Variants in PTPRD observed in about 807,000 individuals in gnomAD.
PTPRD encodes the protein protein tyrosine phosphatase receptor type D.
Under a neutral mutation model 214.5 loss-of-function variants are expected in PTPRD, and 34 were observed. The ratio of observed to expected loss-of-function variants is 0.16; its 90% CI spans 0.12 to 0.21. The LOEUF is 0.21. Ranked by LOEUF, PTPRD falls within the 10% of genes least tolerant of loss-of-function variation. The pLI, the probability that PTPRD is intolerant of heterozygous loss-of-function variation, is 1.00. For missense variants in PTPRD, 2,545 were observed against 2,398.7 expected, an observed-to-expected ratio of 1.06 and a Z score of -1.27; for synonymous variants, 1,128 against 845.7, an observed-to-expected ratio of 1.33 and a Z score of -5.79.
chr9:10,597,102 C>CAT (rs1040966535), intron 2 of PTPRD, among the ~76,000 whole-genome samples: 1 of 150,936 alleles, frequency 6.6e-6, no homozygotes, highest in Non-Finnish European at 1.5e-5. Context: ...ATATATTTCA[C>CAT]ATATATATAT....
intron 10 of PTPRD, among the ~76,000 whole-genome samples, chr9:9,116,455 G>A (rs185623914): frequency 2.0e-5 from 3 of 152,130 alleles, no homozygotes; most frequent in Admixed American, 2.0e-4. Context: ...ATGGACATGA[G>A]AGAGTCAGAA....
intron 10 of PTPRD, among the ~76,000 whole-genome samples, chr9:9,116,439 G>A (rs1398512520): frequency 6.6e-6 from 1 of 151,988 alleles, no homozygotes; most frequent in Non-Finnish European, 1.5e-5. Context: ...CATACAGGGT[G>A]GTATAATGGA....
At chr9:8,911,915 G>C (rs533326180) in intron 11 of PTPRD, among the ~76,000 whole-genome samples, 1 of 152,040 alleles carries the variant, frequency 6.6e-6, no homozygotes, top group African/African-American at 2.4e-5. Flanking sequence ...TTCTCGCTTC[G>C]TTAGTCATTA....
intron 44 of PTPRD, among the ~76,000 whole-genome samples, chr9:8,330,049 C>A (rs576235023): frequency 1.3e-5 from 2 of 152,106 alleles, no homozygotes; most frequent in Non-Finnish European, 2.9e-5. Context: ...GTGAAGACTG[C>A]GGGAGAAGTG....
At chr9:8,803,209 G>C (rs757347643) in intron 11 of PTPRD, among the ~76,000 whole-genome samples, 2 of 152,080 alleles carry the variant, frequency 1.3e-5, no homozygotes, top group Non-Finnish European at 2.9e-5. Flanking sequence ...TTATGAATGA[G>C]TACACACATC....
intron 9 of PTPRD, among the ~76,000 whole-genome samples, chr9:9,361,041 C>T (rs2055937519): frequency 6.6e-6 from 1 of 151,062 alleles, no homozygotes; most frequent in Admixed American, 6.6e-5. Context: ...TCCTGAGGTT[C>T]TCAATATATT....
chr9:9,262,304 A>G (rs2099980484), intron 9 of PTPRD, among the ~76,000 whole-genome samples: 1 of 151,152 alleles, frequency 6.6e-6, no homozygotes, highest in Non-Finnish European at 1.5e-5. Flanking sequence ...ATTTCTTTAA[A>G]ATATATTTTA....
intron 2 of PTPRD, among the ~76,000 whole-genome samples, chr9:10,393,570 T>A (rs2098112824): frequency 6.6e-6 from 1 of 150,898 alleles, no homozygotes; most frequent in Non-Finnish European, 1.5e-5. Flanking sequence ...GAGGGAGGAT[T>A]GCTTAAGACC....
At chr9:8,411,036 C>A (rs1035725829) in intron 35 of PTPRD, among the ~76,000 whole-genome samples, 13 of 151,956 alleles carry the variant, frequency 8.6e-5, no homozygotes, top group Admixed American at 2.0e-4. Flanking sequence ...TTAGAATTAT[C>A]TTAATCTAAC....
chr9:10,356,005 T>C (rs1046193955), intron 2 of PTPRD, among the ~76,000 whole-genome samples: 1 of 152,172 alleles, frequency 6.6e-6, no homozygotes, highest in Non-Finnish European at 1.5e-5. Flanking sequence ...AATATTAATA[T>C]CTATTAAGCG....
At chr9:9,325,559 C>A (rs1478159639) in intron 9 of PTPRD, among the ~76,000 whole-genome samples, 1 of 152,116 alleles carries the variant, frequency 6.6e-6, no homozygotes, top group Non-Finnish European at 1.5e-5. Context: ...TGAGACTTTG[C>A]TGAAGTTGCC....
intron 11 of PTPRD, among the ~76,000 whole-genome samples, chr9:8,797,505 G>A (rs2096464026): frequency 2.6e-5 from 4 of 152,138 alleles, no homozygotes; most frequent in Admixed American, 1.3e-4. Context: ...AGTTCTTTCT[G>A]CACCATCACA....
At chr9:10,596,761 T>C (rs1305972662) in intron 2 of PTPRD, among the ~76,000 whole-genome samples, 1 of 151,566 alleles carries the variant, frequency 6.6e-6, no homozygotes, top group African/African-American at 2.4e-5. Flanking sequence ...ATATGATTTA[T>C]ATATGTGAGA....
At chr9:8,655,302 G>A (rs977927904) in intron 12 of PTPRD, among the ~76,000 whole-genome samples, 2 of 152,176 alleles carry the variant, frequency 1.3e-5, no homozygotes, top group African/African-American at 4.8e-5. Flanking sequence ...TTGGGGAAAT[G>A]TGTTTTATAA....
chr9:8,525,322 A>G (rs547304497), intron 17 of PTPRD: 24 of 480,370 alleles, frequency 5.0e-5, no homozygotes, highest in African/African-American at 4.7e-4. Flanking sequence ...GACTAATAAA[A>G]TGAAGATGGG....
chr9:9,109,237 A>G lies in PTPRD; in HGVS notation c.-143+74067T>C, dbSNP rs183945856. ...TTGCTAAGCTTGTTATACTCTATCT[A>G]TATCTATGTAGAGATTAGCAGCAAA... is the stretch of plus-strand genomic sequence containing the variant. On this transcript the variant is annotated intron_variant, in intron 10 of 45. Coordinates refer to ENST00000381196, the MANE Select transcript of PTPRD (RefSeq NM_002839.4). Among the ~76,000 whole-genome samples, 763 of 152,258 alleles carry G rather than the reference A, an allele frequency of 5.0e-3. 11 individuals are homozygous for G. Among genetic ancestry groups the G allele is most frequent in the African/African-American group, 0.017 (708 of 41,560 alleles).
chr9:9,750,103 AT>A (rs1399554229), intron 6 of PTPRD, among the ~76,000 whole-genome samples: 1 of 152,162 alleles, frequency 6.6e-6, no homozygotes, highest in Non-Finnish European at 1.5e-5. Flanking sequence ...ACATTACACA[AT>A]TACTAATACA....
intron 2 of PTPRD, among the ~76,000 whole-genome samples, chr9:10,491,567 A>G (rs2040250439): frequency 6.6e-6 from 1 of 152,116 alleles, no homozygotes; most frequent in African/African-American, 2.4e-5. Flanking sequence ...AAAATTATAA[A>G]GGGCCAAATG....
chr9:9,972,052 T>G (rs890466312), intron 4 of PTPRD, among the ~76,000 whole-genome samples: 2 of 152,162 alleles, frequency 1.3e-5, no homozygotes, highest in Admixed American at 6.5e-5. Context: ...ATTGCACTTT[T>G]CCCAGTAATA....
Sources: allele counts gnomAD v4.1 joint callset (sites outside exome capture counted in the v4.1 genomes callset), GRCh38; gene constraint gnomAD v4.1.1; transcripts MANE v1.5; gene names NCBI Gene and HGNC (gene_info 2026-07-23, HGNC 2026-07-21).